Variants in BAIAP2L2 observed in about 807,000 individuals in gnomAD.
BAIAP2L2 encodes BAR/IMD domain containing adaptor protein 2 like 2.
A neutral mutation model predicts 60.4 loss-of-function variants in BAIAP2L2; 65 were observed. The ratio of observed to expected loss-of-function variants is 1.08; its 90% CI spans 0.88 to 1.32. The LOEUF (loss-of-function observed/expected upper bound fraction) is 1.32, where lower values mean the gene tolerates loss of function less well. Ranked by LOEUF, BAIAP2L2 falls within the 40% of genes most tolerant of loss-of-function variation. The pLI is 0.00. For missense variants in BAIAP2L2, 836 were observed against 741.2 expected, an observed-to-expected ratio of 1.13 and a Z score of -1.48; for synonymous variants, 344 against 301.7, an observed-to-expected ratio of 1.14 and a Z score of -1.45.
rs961396999 is a variant in BAIAP2L2, at chr22:38,085,230, G to A, written c.*70C>T. ...TCTTGGATCTGCTGCTGTTGCTGCT[G>A]TCGCTGCCATTGCCAGCTCTGAACA... is the stretch of plus-strand genomic sequence containing the variant. On this transcript the variant is annotated 3_prime_UTR_variant, in exon 14 of 14. Coordinates refer to ENST00000381669, the MANE Select transcript of BAIAP2L2 (RefSeq NM_025045.6). 1.3e-6 allele frequency: 2 copies of A among 1,509,676 alleles called. No individual in the cohort carries two copies. Among genetic ancestry groups the A allele is most frequent in the Admixed American group, 1.7e-5 (1 of 57,412 alleles). The allele number at this position is 1,509,676 out of a possible 1,614,324, so 93.5% of individuals were successfully genotyped here. A position where few individuals can be genotyped will look rare whatever the true frequency, so the allele number is the denominator to read the frequency against.
chr22:38,085,527 T>A lies in BAIAP2L2; in HGVS notation c.1515-152A>T, dbSNP rs576485528. Reference sequence around the variant, plus strand: ...TTGCCCCGCTTCATCTTTTTTTTTCTTTTAAGAGATAGGGTCTCACAGTGT... The same window carrying A: ...TTGCCCCGCTTCATCTTTTTTTTTCATTTAAGAGATAGGGTCTCACAGTGT... On this transcript the variant is annotated intron_variant, in intron 13 of 13. Transcript: ENST00000381669. 6 of 1,297,174 alleles carry A rather than the reference T, an allele frequency of 4.6e-6. No homozygotes were observed. The East Asian group carries it at 1.4e-4, about 30-fold the overall frequency. 80.4% of individuals were successfully genotyped at this position (1,297,174 alleles called of 1,614,324 possible). A position where few individuals can be genotyped will look rare whatever the true frequency, so the allele number is the denominator to read the frequency against.
At chr22:38,098,353 T>C in intron 5 of BAIAP2L2, 58 bp downstream of exon 5, 5 of 1,554,536 alleles carry the variant, frequency 3.2e-6, no homozygotes, top group Non-Finnish European at 4.4e-6. Context: ...ACCTGTCAAA[T>C]GGGAGAGGGG....
intron 12 of BAIAP2L2, 130 bp from the exon 13 acceptor site, chr22:38,085,862 G>A (rs144196125): frequency 9.7e-6 from 9 of 929,278 alleles, no homozygotes; most frequent in African/African-American, 8.3e-5. Context: ...CCAGGCTCCT[G>A]GAAAATGAGA....
chr22:38,106,462 G>A (rs2086666322), intron 4 of BAIAP2L2, among the ~76,000 whole-genome samples: 1 of 150,604 alleles, frequency 6.6e-6, no homozygotes, highest in South Asian at 2.1e-4. Context: ...GGAGGTTGCA[G>A]TGAGCTGAGA....
At chr22:38,105,187 CAG>C (rs754537613) in intron 4 of BAIAP2L2, among the ~76,000 whole-genome samples, 7 of 152,108 alleles carry the variant, frequency 4.6e-5, no homozygotes, top group Non-Finnish European at 8.8e-5. Context: ...CCAGGGCCTG[CAG>C]AGTCAGGACC....
intron 10 of BAIAP2L2, among the ~76,000 whole-genome samples, chr22:38,088,306 T>C (rs1434997983): frequency 6.6e-6 from 1 of 152,112 alleles, no homozygotes; most frequent in African/African-American, 2.4e-5. Context: ...AACAGCCCAG[T>C]TTAAGTGCTT....
At chr22:38,108,138 G>T in intron 3 of BAIAP2L2, 117 bp downstream of exon 3, 1 of 1,083,616 alleles carries the variant, frequency 9.2e-7, no homozygotes, top group Non-Finnish European at 1.3e-6. Context: ...CAGAACAAGA[G>T]TCTGGCTCTG....
chr22:38,092,463 G>A (rs996631873), intron 7 of BAIAP2L2, among the ~76,000 whole-genome samples: 2 of 152,078 alleles, frequency 1.3e-5, no homozygotes, highest in African/African-American at 4.8e-5. Context: ...TTTTAGTAGA[G>A]ACGGGGTTTC....
rs888631937 is a variant in BAIAP2L2, at chr22:38,085,071, G to T, written c.*229C>A. On this transcript the variant is annotated 3_prime_UTR_variant, in exon 14 of 14. Transcript: ENST00000381669. The stretch of plus-strand genomic sequence containing the variant: ...GGAGAGTCCTGGAGCCCCTGGAGGG[G>T]GAGAAATTGTCCTGTCCCCCCATTC... The T allele has an allele frequency of 1.9e-6, 1 of 518,474 alleles. No homozygotes were observed. The highest frequency in any genetic ancestry group is 3.3e-5 in the Admixed American group (1 of 30,488). 32.1% of individuals were successfully genotyped at this position (518,474 alleles called of 1,614,324 possible).
At position 38,089,557 on chromosome 22, in the gene BAIAP2L2, G is replaced by C; in HGVS notation, c.730C>G (p.Pro244Ala). The C allele has an allele frequency of 8.1e-7, 1 of 1,228,608 alleles. No homozygotes were observed. Among genetic ancestry groups the C allele is most frequent in the South Asian group, 4.1e-5 (1 of 24,438 alleles). The allele number at this position is 1,228,608 out of a possible 1,614,324, so 76.1% of individuals were successfully genotyped here. A position where few individuals can be genotyped will look rare whatever the true frequency, so the allele number is the denominator to read the frequency against. Residue 244 changes from proline (P) to alanine (A), a missense_variant, in exon 8 of 14, where the codon CCC (proline) becomes GCC (alanine). By Grantham distance (27) the Pro-to-Ala change is conservative. Transcript: ENST00000381669. ...LLGPALGPPY[P>A]SGRLTPTCLD... ...CAGGTGGGCGTCAGGCGGCCCGAGG[G>C]GTAGGGCGGCCCCAGCGCGGGGCCC...
intron 7 of BAIAP2L2, 96 bp downstream of exon 7, chr22:38,096,936 G>A: frequency 7.4e-7 from 1 of 1,359,660 alleles, no homozygotes; most frequent in Non-Finnish European, 1.0e-6. Context: ...GGCAGGGAGG[G>A]AAGAGGGAAG....
chr22:38,102,306 C>T (rs1045606322), intron 4 of BAIAP2L2, among the ~76,000 whole-genome samples: 1 of 151,896 alleles, frequency 6.6e-6, no homozygotes, highest in Non-Finnish European at 1.5e-5. Flanking sequence ...GGAACAAGGA[C>T]AACAGACACA....
intron 6 of BAIAP2L2, 140 bp downstream of exon 6, chr22:38,097,923 C>T: frequency 1.2e-6 from 1 of 812,250 alleles, no homozygotes; most frequent in Non-Finnish European, 2.0e-6. Flanking sequence ...TGGCTGACCT[C>T]CCCAGCCACG....
rs113792005 is a variant in BAIAP2L2 at position 38,086,348 on chromosome 22, C to T, written c.1361G>A (p.Arg454His). Residue 454 changes from arginine (R) to histidine (H), a missense_variant, in exon 12 of 14, where the codon CGC becomes CAC. Arg to His is a conservative substitution (Grantham distance 29, BLOSUM62 0). Transcript: ENST00000381669. ...ACGGCTTGGCACCCGGCTTGGGGTG[C>T]GGGAGCGGGACTGGCCATCCCAGTA... ...SEYWDGQSRS[R>H]TPSRVPSRAP... 2.5e-5 allele frequency: 19 copies of T among 774,036 alleles called. No homozygotes were observed. In the South Asian group the frequency reaches 3.0e-4, roughly 12 times the overall value. 47.9% of individuals were successfully genotyped at this position (774,036 alleles called of 1,614,324 possible). A position where few individuals can be genotyped will look rare whatever the true frequency, so the allele number is the denominator to read the frequency against.
chr22:38,109,629 C>T (rs920499646), intron 1 of BAIAP2L2, among the ~76,000 whole-genome samples: 7 of 152,152 alleles, frequency 4.6e-5, no homozygotes, highest in Non-Finnish European at 8.8e-5. Context: ...CAACAGTCAC[C>T]CCCGGGGCAA....
chr22:38,094,713 C>T (rs968010796), intron 7 of BAIAP2L2, among the ~76,000 whole-genome samples: 1 of 152,074 alleles, frequency 6.6e-6, no homozygotes, highest in African/African-American at 2.4e-5. Flanking sequence ...AGCCTGGGGC[C>T]GGGTGAGGCG....
chr22:38,087,856 G>A (rs2086144449), intron 10 of BAIAP2L2, among the ~76,000 whole-genome samples: 1 of 142,654 alleles, frequency 7.0e-6, no homozygotes, highest in African/African-American at 2.7e-5. Context: ...CCACATCTGC[G>A]CATCCTCCCA....
chr22:38,095,876 T>C (rs777564036), intron 7 of BAIAP2L2, among the ~76,000 whole-genome samples: 3 of 152,178 alleles, frequency 2.0e-5, no homozygotes, highest in Non-Finnish European at 4.4e-5. Context: ...AAGGGGAATG[T>C]ATAGTATAAT....
rs373761427 is a variant in BAIAP2L2 at position 38,098,045 on chromosome 22, G to A, written c.465+18C>T. ...CACCCGCCCTTCCTGGCCCACCCCC[G>A]CTTCCCGGCCCTCGCACCTTCATCT... is the stretch of plus-strand genomic sequence containing the variant. On this transcript the variant is annotated intron_variant, in intron 6 of 13. Transcript: ENST00000381669. 18 of 535,470 alleles carry A rather than the reference G, an allele frequency of 3.4e-5. No individual in the cohort carries two copies. Among genetic ancestry groups the A allele is most frequent in the South Asian group, 8.2e-5 (5 of 61,228 alleles). 33.2% of individuals were successfully genotyped at this position (535,470 alleles called of 1,614,324 possible). A position where few individuals can be genotyped will look rare whatever the true frequency, so the allele number is the denominator to read the frequency against.
Sources: allele counts gnomAD v4.1 joint callset (sites outside exome capture counted in the v4.1 genomes callset), GRCh38; gene constraint gnomAD v4.1.1; transcripts MANE v1.5; gene names NCBI Gene and HGNC (gene_info 2026-07-23, HGNC 2026-07-21).